The following MED14 variants were observed in gnomAD, a reference collection of about 807,000 sequenced individuals.
MED14 encodes mediator of RNA polymerase II transcription subunit 14.
A neutral mutation model predicts 109.0 loss-of-function variants in MED14; 8 were observed. That is an observed-to-expected ratio of 0.07 (90% CI 0.04 to 0.13). The LOEUF is 0.13. MED14 is among the 10% of genes least tolerant of loss of function. MED14 has a pLI of 1.00. For missense variants in MED14, 711 were observed against 1,142.4 expected (o/e 0.62, Z 5.44); for synonymous variants, 399 against 408.7 (o/e 0.98, Z 0.29).
chrX:40,678,374 C>T (rs761424718), intron 21 of MED14, among the ~76,000 whole-genome samples: 8 of 111,150 alleles, frequency 7.2e-5, no homozygotes, highest in African/African-American at 2.3e-4. Flanking sequence ...ACAGAGAAAG[C>T]GAAACCAAAA....
At chrX:40,690,088 T>C (rs1930442398) in intron 15 of MED14, among the ~76,000 whole-genome samples, 1 of 111,794 alleles carries the variant, frequency 8.9e-6, no homozygotes, top group African/African-American at 3.3e-5. Context: ...ACTGCAAAGG[T>C]AGTAACTGAA....
At chrX:40,693,110 T>TA (rs1464644859) in intron 13 of MED14, among the ~76,000 whole-genome samples, 1 of 111,809 alleles carries the variant, frequency 8.9e-6, no homozygotes, top group East Asian at 2.8e-4. Context: ...AGAAGAATGA[T>TA]AAAAGCAAAA....
intron 12 of MED14, among the ~76,000 whole-genome samples, chrX:40,699,461 A>G (rs1930842555): frequency 8.9e-6 from 1 of 112,216 alleles, no homozygotes; most frequent in Admixed American, 9.4e-5. Context: ...ATTAGTGATA[A>G]ACTGGTCATT....
intron 10 of MED14, among the ~76,000 whole-genome samples, chrX:40,707,838 C>G (rs1257855961): frequency 1.8e-5 from 2 of 111,388 alleles, no homozygotes; most frequent in South Asian, 7.5e-4. Context: ...GTTCTAAAAT[C>G]AAATTGTGGT....
intron 22 of MED14, among the ~76,000 whole-genome samples, chrX:40,674,051 T>C (rs189227294): frequency 2.2e-3 from 247 of 110,490 alleles, no homozygotes; most frequent in African/African-American, 7.7e-3. Context: ...ACAGGAAAGA[T>C]TGAAAATGCA....
intron 3 of MED14, among the ~76,000 whole-genome samples, chrX:40,725,750 C>CTT (rs1225607373): frequency 1.8e-5 from 2 of 111,655 alleles, no homozygotes; most frequent in Non-Finnish European, 3.8e-5. Context: ...AAACTGAAAG[C>CTT]CCTTCCTCTC....
At chrX:40,728,065 C>G (rs1199565669) in intron 2 of MED14, among the ~76,000 whole-genome samples, 1 of 111,865 alleles carries the variant, frequency 8.9e-6, no homozygotes, top group African/African-American at 3.2e-5. Context: ...AAATGTTAAA[C>G]ACACATTAAG....
intron 1 of MED14, among the ~76,000 whole-genome samples, chrX:40,732,813 T>G (rs1355216685): frequency 9.1e-6 from 1 of 110,322 alleles, no homozygotes; most frequent in Non-Finnish European, 1.9e-5. Flanking sequence ...AAGGGTAATG[T>G]GGTCGGAACA....
At chrX:40,702,353 T>TTG (rs1480477290) in intron 11 of MED14, among the ~76,000 whole-genome samples, 4 of 102,711 alleles carry the variant, frequency 3.9e-5, no homozygotes, top group Non-Finnish European at 5.9e-5. Flanking sequence ...TTTGTTTTTT[T>TTG]TTTTTTTTTT....
chrX:40,675,371 T>C lies in MED14; in HGVS notation c.2881-10A>G. Reference sequence around the variant, plus strand: ...ACATATTCAGGAACGTCTACGGATATAAACAGGTAAAATTTAGATTATTTT... The same window carrying C: ...ACATATTCAGGAACGTCTACGGATACAAACAGGTAAAATTTAGATTATTTT... On this transcript the variant is annotated splice_polypyrimidine_tract_variant and intron_variant, in intron 21 of 30. Coordinates refer to ENST00000324817, the MANE Select transcript of MED14 (RefSeq NM_004229.4). 8.8e-7 allele frequency: 1 copy of C among 1,135,566 alleles called. No homozygotes were observed. Among genetic ancestry groups the C allele is most frequent in the Non-Finnish European group, 1.2e-6 (1 of 857,196 alleles). 93.6% of individuals were successfully genotyped at this position (1,135,566 alleles called of 1,213,427 possible).
At chrX:40,717,521 T>C (rs1225665218) in intron 3 of MED14, among the ~76,000 whole-genome samples, 2 of 99,761 alleles carry the variant, frequency 2.0e-5, no homozygotes, top group African/African-American at 7.8e-5. Context: ...GTTGTTGTTG[T>C]TTCATTTTGT....
rs1359050997 is a variant in MED14 at position 40,713,049 on chromosome X, G to A, written c.653-7C>T. 6 of 1,152,852 alleles carry A rather than the reference G, an allele frequency of 5.2e-6. No individual in the cohort carries two copies. Among genetic ancestry groups the A allele is most frequent in the Non-Finnish European group, 7.0e-6 (6 of 861,547 alleles). On this transcript the variant is annotated splice_region_variant and splice_polypyrimidine_tract_variant and intron_variant, in intron 5 of 30. Transcript: ENST00000324817. ...AACTTCACCCGGCCATTTGCTTTTAGAAGAAAAAGATGAAGAAAAAGAAGT... is the reference window on the plus strand; with the variant it reads ...AACTTCACCCGGCCATTTGCTTTTAAAAGAAAAAGATGAAGAAAAAGAAGT...
At chrX:40,675,112 A>T in intron 22 of MED14, 109 bp downstream of exon 22, 1 of 696,677 alleles carries the variant, frequency 1.4e-6, no homozygotes, top group Non-Finnish European at 2.0e-6. Context: ...TTTCCTGGGC[A>T]TCTCAGGCCC....
chrX:40,651,952 G>C (rs1468712242), intron 30 of MED14, 73 bp from the exon 31 acceptor site: 15 of 996,122 alleles, frequency 1.5e-5, no homozygotes, highest in Non-Finnish European at 2.0e-5. Context: ...AAGGGAAGGG[G>C]TAATTAAATC....
chrX:40,685,297 C>A (rs1414927244), intron 16 of MED14, among the ~76,000 whole-genome samples: 1 of 112,008 alleles, frequency 8.9e-6, no homozygotes, highest in Non-Finnish European at 1.9e-5. Context: ...GTTGTGAGGG[C>A]TTTTACAAAC....
chrX:40,720,793 T>C (rs1299649270), intron 3 of MED14, among the ~76,000 whole-genome samples: 1 of 109,200 alleles, frequency 9.2e-6, no homozygotes, highest in Non-Finnish European at 1.9e-5. Flanking sequence ...TTGTCTTGCA[T>C]CTTGGATACC....
At chrX:40,692,644 G>T in intron 14 of MED14, 64 bp downstream of exon 14, 1 of 1,041,525 alleles carries the variant, frequency 9.6e-7, no homozygotes, top group South Asian at 2.2e-5. Context: ...TATTAAAAAT[G>T]AGTAAAGAAC....
intron 8 of MED14, among the ~76,000 whole-genome samples, chrX:40,710,950 T>C (rs773289289): frequency 1.8e-5 from 2 of 111,591 alleles, no homozygotes; most frequent in Admixed American, 9.5e-5. Context: ...CTGCAGTCAG[T>C]CCTGCGGTCA....
chrX:40,710,008 C>T lies in MED14; in HGVS notation c.1144G>A (p.Asp382Asn). ...IFHDPPLPAS[D>N]SKLVERAMKI... is the part of the protein sequence containing the mutation. ...ATGGCTCTTTCTACTAATTTGGAAT[C>T]AGAAGCTGGCAAAGGAGGATCGTGA... is the stretch of plus-strand genomic sequence containing the variant. The change falls in exon 9 of 31, where the codon GAT becomes AAT. Residue 382 changes from aspartate to asparagine, a missense_variant. By Grantham distance (23) the Asp-to-Asn change is conservative (BLOSUM62 1). Transcript: ENST00000324817. The T allele has an allele frequency of 5.9e-6, 7 of 1,179,541 alleles. No homozygotes were observed. The highest frequency in any genetic ancestry group is 8.0e-6 in the Non-Finnish European group (7 of 877,141).
Sources: allele counts gnomAD v4.1 joint callset (sites outside exome capture counted in the v4.1 genomes callset), GRCh38; gene constraint gnomAD v4.1.1; transcripts MANE v1.5; gene names NCBI Gene and HGNC (gene_info 2026-07-23, HGNC 2026-07-21).